CACNB4: variants seen among roughly 807,000 people sequenced by gnomAD.
The protein encoded by CACNB4 is voltage-dependent L-type calcium channel subunit beta-4.
CACNB4 carries 32 observed loss-of-function variants against 71.2 expected under a neutral mutation model. The ratio of observed to expected loss-of-function variants is 0.45; its 90% confidence interval spans 0.34 to 0.60. The LOEUF (loss-of-function observed/expected upper bound fraction) is 0.60. Among genes scored for constraint, CACNB4 ranks in the 20% least tolerant of loss-of-function variants. The pLI, the probability that CACNB4 is intolerant of heterozygous loss-of-function variation, is 0.01. For synonymous variants in CACNB4, 231 were observed against 236.9 expected (o/e 0.97, Z 0.23); for missense variants, 464 against 647.9 (o/e 0.72, Z 3.08).
intron 13 of CACNB4, chr2:151,841,605 C>T (rs1238271004): frequency 2.7e-5 from 8 of 300,640 alleles, no homozygotes; most frequent in Non-Finnish European, 3.7e-5. Flanking sequence ...AAGTAATGGG[C>T]AGGTGCATTG....
At chr2:151,945,178 C>T (rs1052272442) in intron 2 of CACNB4, among the ~76,000 whole-genome samples, 1 of 152,148 alleles carries the variant, frequency 6.6e-6, no homozygotes, top group African/African-American at 2.4e-5. Flanking sequence ...ACAAAAAGTT[C>T]ATCAAAAGGA....
chr2:152,029,221 G>A (rs547902725), intron 2 of CACNB4, among the ~76,000 whole-genome samples: 12 of 152,126 alleles, frequency 7.9e-5, no homozygotes, highest in Admixed American at 2.6e-4. Flanking sequence ...AGGGCTAGGC[G>A]TGGTGGCTCA....
intron 2 of CACNB4, among the ~76,000 whole-genome samples, chr2:151,942,899 G>A (rs1045492664): frequency 3.3e-5 from 5 of 152,204 alleles, no homozygotes; most frequent in Admixed American, 2.6e-4. Context: ...AAGACAATAT[G>A]TGCACTGCTG....
chr2:152,045,740 A>G (rs1579193727), intron 2 of CACNB4, among the ~76,000 whole-genome samples: 1 of 152,172 alleles, frequency 6.6e-6, no homozygotes. Flanking sequence ...TCCCAGTCCT[A>G]CAGTTCCAAG....
At chr2:152,042,840 G>C (rs184849388) in intron 2 of CACNB4, among the ~76,000 whole-genome samples, 9 of 152,018 alleles carry the variant, frequency 5.9e-5, no homozygotes, top group Non-Finnish European at 1.2e-4. Flanking sequence ...ACAGGAGGTC[G>C]GCACAAGATA....
chr2:152,047,331 A>G (rs1460095233), intron 2 of CACNB4, among the ~76,000 whole-genome samples: 1 of 152,182 alleles, frequency 6.6e-6, no homozygotes, highest in Non-Finnish European at 1.5e-5. Flanking sequence ...CTTTGTTGTC[A>G]ATTTCTTCCT....
intron 2 of CACNB4, among the ~76,000 whole-genome samples, chr2:152,085,404 C>G (rs905856604): frequency 7.2e-5 from 11 of 152,166 alleles, no homozygotes; most frequent in Admixed American, 7.2e-4. Context: ...GAACATTTAT[C>G]TTTTTAAAAT....
chr2:151,952,173 C>T (rs2099867064), intron 2 of CACNB4, among the ~76,000 whole-genome samples: 1 of 152,038 alleles, frequency 6.6e-6, no homozygotes, highest in Non-Finnish European at 1.5e-5. Context: ...ATCAACTAAT[C>T]AGAGTAAACA....
Position 152,098,799 on chromosome 2 carries a change from G to T in CACNB4, c.63+150C>A. 1 of 991,228 alleles carries T rather than the reference G, an allele frequency of 1.0e-6. No homozygotes were observed. Among genetic ancestry groups the T allele is most frequent in the Non-Finnish European group, 1.5e-6 (1 of 670,194 alleles). 61.4% of individuals were successfully genotyped at this position (991,228 alleles called of 1,614,324 possible). On this transcript the variant is annotated intron_variant, in intron 1 of 13. Transcript: ENST00000539935. This position sits in a 1 kb window ranked among gnomAD's most constrained non-coding sequence, Gnocchi z 5.3. Reference sequence around the variant, plus strand: ...AAGAGGAGGAGCGGGAGGAGAAAGGGACGTGGAGGAGGGGTGGGGGGAGCG... The same window carrying T: ...AAGAGGAGGAGCGGGAGGAGAAAGGTACGTGGAGGAGGGGTGGGGGGAGCG...
At chr2:152,096,266 G>A (rs1454858421) in intron 2 of CACNB4, among the ~76,000 whole-genome samples, 4 of 152,084 alleles carry the variant, frequency 2.6e-5, no homozygotes, top group Middle Eastern at 3.4e-3. Context: ...GGCAGATCAC[G>A]AGGTCAGGAG....
intron 2 of CACNB4, among the ~76,000 whole-genome samples, chr2:151,986,518 A>C (rs1182446957): frequency 6.6e-6 from 1 of 151,870 alleles, no homozygotes; most frequent in Non-Finnish European, 1.5e-5. Flanking sequence ...CAATTATTCC[A>C]CTCCACATTA....
At chr2:151,912,033 T>C (rs1231959483) in intron 2 of CACNB4, among the ~76,000 whole-genome samples, 1 of 152,222 alleles carries the variant, frequency 6.6e-6, no homozygotes, top group East Asian at 1.9e-4. Flanking sequence ...TATCATTTTT[T>C]ATTGTGTCTA....
chr2:151,905,919 C>G (rs934963416), intron 2 of CACNB4, among the ~76,000 whole-genome samples: 2 of 152,172 alleles, frequency 1.3e-5, no homozygotes, highest in African/African-American at 4.8e-5. Context: ...GGGAGTAAAC[C>G]CTGATACAGC....
intron 2 of CACNB4, among the ~76,000 whole-genome samples, chr2:151,921,852 C>T (rs567332439): frequency 4.0e-4 from 61 of 152,282 alleles, no homozygotes; most frequent in Admixed American, 1.7e-3. Flanking sequence ...TGCTCCACCA[C>T]GGTTAAGATG....
intron 2 of CACNB4, among the ~76,000 whole-genome samples, chr2:151,936,765 A>G (rs2099863019): frequency 6.6e-6 from 1 of 152,228 alleles, no homozygotes; most frequent in South Asian, 2.1e-4. Flanking sequence ...ACCACCTCTC[A>G]TTAGGAAAAC....
chr2:151,916,146 T>A (rs2099857460), intron 2 of CACNB4, among the ~76,000 whole-genome samples: 1 of 152,130 alleles, frequency 6.6e-6, no homozygotes, highest in African/African-American at 2.4e-5. Context: ...TTATTATGGG[T>A]TTTTTCCATG....
intron 2 of CACNB4, chr2:151,971,906 C>T (rs916880131): frequency 2.7e-5 from 10 of 375,518 alleles, no homozygotes; most frequent in East Asian, 1.8e-4. Context: ...GTGCACAGCC[C>T]GGAGGATCTC....
chr2:151,939,504 C>A (rs1035132817), intron 2 of CACNB4, among the ~76,000 whole-genome samples: 5 of 152,132 alleles, frequency 3.3e-5, no homozygotes, highest in African/African-American at 1.2e-4. Context: ...CAAGGACTTT[C>A]CTTAAAAGAA....
At chr2:152,024,624 GC>G (rs67195471) in intron 2 of CACNB4, among the ~76,000 whole-genome samples, 32,223 of 152,124 alleles carry the variant, frequency 0.21, 3,566 homozygotes, top group Middle Eastern at 0.36. Context: ...TACTAACATA[GC>G]ATACCAACTA....
Sources: allele counts gnomAD v4.1 joint callset (sites outside exome capture counted in the v4.1 genomes callset), GRCh38; gene constraint gnomAD v4.1.1; non-coding constraint Gnocchi (gnomAD v3.1); transcripts MANE v1.5; gene names NCBI Gene and HGNC (gene_info 2026-07-23, HGNC 2026-07-21).